The following ITIH1 variants were observed in gnomAD, a reference collection of about 807,000 sequenced individuals.
ITIH1 encodes the protein inter-alpha-trypsin inhibitor heavy chain 1.
In ITIH1, 94 loss-of-function variants were observed where a neutral mutation model predicts 104.6. The ratio of observed to expected loss-of-function variants is 0.90; its 90% CI spans 0.76 to 1.07. The LOEUF (loss-of-function observed/expected upper bound fraction) is 1.07. ITIH1 is among the 50% of genes least tolerant of loss of function. The pLI is 0.00. For synonymous variants in ITIH1, 455 were observed against 464.4 expected (o/e 0.98, Z 0.26); for missense variants, 1,193 against 1,181.4 (o/e 1.01, Z -0.14).
chr3:52,787,870 C>T (rs1469475430), intron 16 of ITIH1, 116 bp from the exon 17 acceptor site: 4 of 1,064,496 alleles, frequency 3.8e-6, no homozygotes, highest in Non-Finnish European at 5.9e-6. Context: ...AGTGGACATC[C>T]CTGCTTGGTG....
rs915633913 is a variant in ITIH1, at chr3:52,778,872, G to C, written c.306-70G>C. 1.7e-5 allele frequency: 20 copies of C among 1,210,256 alleles called. No individual in the cohort carries two copies. In the African/African-American group the frequency reaches 2.8e-4, roughly 17 times the overall value. 75.0% of individuals were successfully genotyped at this position (1,210,256 alleles called of 1,614,324 possible). Reference sequence around the variant, plus strand: ...ACGTCCTTATCCAAGGGCTCACATGGACAGGCCCTCTCAGGACCTGTGTGG... The same window carrying C: ...ACGTCCTTATCCAAGGGCTCACATGCACAGGCCCTCTCAGGACCTGTGTGG... On this transcript the variant is annotated intron_variant, in intron 3 of 21. Coordinates refer to ENST00000273283, the MANE Select transcript of ITIH1 (RefSeq NM_002215.4).
rs549599741 is a variant in ITIH1, at chr3:52,778,978, G to C, written c.342G>C (p.Lys114Asn). The change falls in exon 4 of 22, where the codon AAG (lysine) becomes AAC (asparagine). Residue 114 changes from lysine to asparagine, a missense_variant. By Grantham distance (94) the Lys-to-Asn change is moderately conservative (BLOSUM62 0). Coordinates refer to ENST00000273283, the MANE Select transcript of ITIH1 (RefSeq NM_002215.4). ...ADGNAFIGDI[K>N]DKVTAWKQYR... Reference sequence around the variant, plus strand: ...GAAACGCATTTATCGGAGACATAAAGGACAAGGTGACTGCATGGAAGCAGT... The same window carrying C: ...GAAACGCATTTATCGGAGACATAAACGACAAGGTGACTGCATGGAAGCAGT... The C allele has an allele frequency of 6.2e-7, 1 of 1,614,074 alleles. No homozygotes were observed. Among genetic ancestry groups the C allele is most frequent in the South Asian group, 1.1e-5 (1 of 91,086 alleles).
intron 8 of ITIH1, among the ~76,000 whole-genome samples, chr3:52,782,697 C>T (rs1377297268): frequency 6.6e-6 from 1 of 152,132 alleles, no homozygotes; most frequent in African/African-American, 2.4e-5. Flanking sequence ...AGCACAGCTC[C>T]TGGGGTCCTT....
intron 18 of ITIH1, among the ~76,000 whole-genome samples, chr3:52,789,097 T>C (rs1699281742): frequency 6.6e-6 from 1 of 152,166 alleles, no homozygotes; most frequent in Non-Finnish European, 1.5e-5. Context: ...GTCCAGTTAG[T>C]CCATCTGCAA....
chr3:52,789,928 G>C, intron 19 of ITIH1, 74 bp downstream of exon 19: 1 of 1,471,508 alleles, frequency 6.8e-7, no homozygotes, highest in Non-Finnish European at 9.4e-7. Context: ...AGTCTGCAGG[G>C]CCCTCGTCCC....
chr3:52,781,275 T>TTCTTCC, intron 6 of ITIH1, among the ~76,000 whole-genome samples: 1 of 134,566 alleles, frequency 7.4e-6, no homozygotes, highest in South Asian at 2.4e-4. Context: ...CTTCTTCTTC[T>TTCTTCC]TCTTCTTCTT....
rs146608756 is a variant in ITIH1, at chr3:52,782,213, C to T, written c.876C>T (p.Asn292=). ...APQNLTNMNK[N]VVFVIDISGS... ...AAAACCTGACAAACATGAACAAGAA[C>T]GTGGTTTTTGTGATTGACATCAGTG... Residue 292 remains asparagine, a synonymous_variant, in exon 8 of 22, where the codon AAC becomes AAT. Transcript: ENST00000273283. The T allele has an allele frequency of 4.0e-3, 6,482 of 1,614,100 alleles. 32 individuals carry two copies. Among genetic ancestry groups the T allele is most frequent in the South Asian group, 8.5e-3 (772 of 91,082 alleles).
At chr3:52,778,752 T>G in intron 3 of ITIH1, 190 bp from the exon 4 acceptor site, 2 of 1,278,770 alleles carry the variant, frequency 1.6e-6, no homozygotes, top group Non-Finnish European at 2.1e-6. Flanking sequence ...AAGGCCAGAG[T>G]CTGAGGCTTC....
At position 52,789,984 on chromosome 3, in the gene ITIH1, T is replaced by C. The variant is rs893394813; in HGVS notation, c.2321+130T>C. 21 of 870,626 alleles carry C rather than the reference T, an allele frequency of 2.4e-5. No homozygotes were observed. The African/African-American group carries it at 3.2e-4, about 13-fold the overall frequency. The allele number at this position is 870,626 out of a possible 1,614,324, so 53.9% of individuals were successfully genotyped here. On this transcript the variant is annotated intron_variant, in intron 19 of 21. Coordinates refer to ENST00000273283, the MANE Select transcript of ITIH1 (RefSeq NM_002215.4). The stretch of plus-strand genomic sequence containing the variant: ...CACCCATGTGGCCTGTGCAGACATG[T>C]CAGACTCCATGGCCCACCCAGCCCT...
chr3:52,785,309 C>A, intron 12 of ITIH1, 80 bp downstream of exon 12: 1 of 1,428,884 alleles, frequency 7.0e-7, no homozygotes, highest in Non-Finnish European at 9.7e-7. Context: ...CCATTCCTGC[C>A]ATCCCCCAGA....
At chr3:52,791,737 C>T (rs763909351) in intron 21 of ITIH1, 45 bp from the exon 22 acceptor site, 1 of 1,605,744 alleles carries the variant, frequency 6.2e-7, no homozygotes, top group Non-Finnish European at 8.5e-7. Flanking sequence ...GAGGTGCTGC[C>T]CTACTGGTCC....
chr3:52,779,139 C>G lies in ITIH1; in HGVS notation c.410+93C>G, dbSNP rs886470294. The G allele has an allele frequency of 1.7e-5, 16 of 927,376 alleles. No homozygotes were observed. The Admixed American group carries it at 2.6e-4, about 15-fold the overall frequency. 57.4% of individuals were successfully genotyped at this position (927,376 alleles called of 1,614,324 possible). On this transcript the variant is annotated intron_variant, in intron 4 of 21. Coordinates refer to ENST00000273283, the MANE Select transcript of ITIH1 (RefSeq NM_002215.4). The surrounding 1 kb of genome is among the most constrained non-coding windows in gnomAD (Gnocchi z 4.4). The stretch of plus-strand genomic sequence containing the variant: ...GCAAGGTGGCTTTAGTGGAGAACAG[C>G]CCAGGATGATGGAAGGGTAAGCAAA...
Position 52,791,530 on chromosome 3 carries a change from C to T in ITIH1, c.2508C>T (p.His836=), listed in dbSNP as rs746892406. Residue 836 remains histidine (H), a synonymous_variant, in exon 21 of 22, where the codon CAC becomes CAT. Coordinates refer to ENST00000273283, the MANE Select transcript of ITIH1 (RefSeq NM_002215.4). ...RTHGLLGQFF[H]PIGFEVSDIH... ...GTGCCTTTCTAGGGCAATTTTTCCA[C>T]CCCATCGGTTTTGAAGTGTCTGACA... 1 of 1,613,984 alleles carries T rather than the reference C, an allele frequency of 6.2e-7. No individual in the cohort carries two copies. Among genetic ancestry groups the T allele is most frequent in the Non-Finnish European group, 8.5e-7 (1 of 1,179,942 alleles).
In ITIH1 at chr3:52,778,483, A is replaced by T. The variant is rs149151940; in HGVS notation, c.282A>T (p.Thr94=). The change falls in exon 3 of 22, where the codon ACA becomes ACT. Residue 94 remains threonine, a synonymous_variant. Coordinates refer to ENST00000273283, the MANE Select transcript of ITIH1 (RefSeq NM_002215.4). The part of the protein sequence containing the change: ...EVAFDLEIPK[T]AFISDFAVTA... ...CCTTCGACCTGGAAATCCCCAAGAC[A>T]GCATTCATCAGTGACTTTGCCGTGT... 6.2e-7 allele frequency: 1 copy of T among 1,614,100 alleles called. No homozygotes were observed. The highest frequency in any genetic ancestry group is 1.3e-5 in the African/African-American group (1 of 74,932).
rs551744440 is a variant in ITIH1, at chr3:52,788,278, C to T, written c.2052C>T (p.Asp684=). The T allele has an allele frequency of 2.1e-5, 34 of 1,612,342 alleles. No homozygotes were observed. In the South Asian group the frequency reaches 3.2e-4, roughly 15 times the overall value. The change falls in exon 18 of 22, where the codon GAC becomes GAT. Residue 684 remains aspartate, a synonymous_variant. Transcript: ENST00000273283. ...HFIIHVPQKE[D]TLCFNINEEP... is the part of the protein sequence containing the mutation. The stretch of plus-strand genomic sequence containing the variant: ...TCATCCACGTGCCCCAGAAAGAGGA[C>T]ACCCTGTGCTTCAACATCAATGAGG...
At chr3:52,782,358 G>T (rs1049563990) in intron 8 of ITIH1, 91 bp downstream of exon 8, 4 of 1,001,554 alleles carry the variant, frequency 4.0e-6, no homozygotes, top group Non-Finnish European at 6.3e-6. Context: ...AGTCTGGTTT[G>T]GGATTTATCC....
In ITIH1 at chr3:52,779,936, C is replaced by T; in HGVS notation, c.574-333C>T. 10 of 1,377,862 alleles carry T rather than the reference C, an allele frequency of 7.3e-6. No individual in the cohort carries two copies. The highest frequency in any genetic ancestry group is 9.4e-6 in the Non-Finnish European group (10 of 1,065,126). 85.4% of individuals were successfully genotyped at this position (1,377,862 alleles called of 1,614,324 possible). A position where few individuals can be genotyped will look rare whatever the true frequency, so the allele number is the denominator to read the frequency against. On this transcript the variant is annotated intron_variant, in intron 5 of 21. Transcript: ENST00000273283. This position sits in a 1 kb window ranked among gnomAD's most constrained non-coding sequence, Gnocchi z 4.4. ...TGAGGGCCTGGAATTATTGCTGGCA[C>T]CTAAGTGGTGGCTGAGTTGAGGGAT...
chr3:52,777,746 C>G lies in ITIH1; in HGVS notation c.117+14C>G. 1 of 1,561,056 alleles carries G rather than the reference C, an allele frequency of 6.4e-7. No homozygotes were observed. The highest frequency in any genetic ancestry group is 8.7e-7 in the Non-Finnish European group (1 of 1,151,098). On this transcript the variant is annotated intron_variant, in intron 1 of 21. Coordinates refer to ENST00000273283, the MANE Select transcript of ITIH1 (RefSeq NM_002215.4). ...AAGAGCAGCGAGGTATATGGCTAAGCCCACAGGGCAGAAATAGGCAGCTGA... is the reference window on the plus strand; with the variant it reads ...AAGAGCAGCGAGGTATATGGCTAAGGCCACAGGGCAGAAATAGGCAGCTGA...
chr3:52,786,906 C>G (rs1699217970), intron 13 of ITIH1, 39 bp from the exon 14 acceptor site: 1 of 1,573,682 alleles, frequency 6.4e-7, no homozygotes, highest in African/African-American at 1.4e-5. Context: ...GAGGGCCGTG[C>G]AAGTCGGGGC....
Sources: allele counts gnomAD v4.1 joint callset (sites outside exome capture counted in the v4.1 genomes callset), GRCh38; gene constraint gnomAD v4.1.1; non-coding constraint Gnocchi (gnomAD v3.1); transcripts MANE v1.5; gene names NCBI Gene and HGNC (gene_info 2026-07-23, HGNC 2026-07-21).